BNC2: variants seen among roughly 807,000 people sequenced by gnomAD.
BNC2 encodes the protein basonuclin zinc finger protein 2.
BNC2 carries 20 observed loss-of-function variants against 76.3 expected under a neutral mutation model. The observed-to-expected ratio is 0.26, with a 90% CI of 0.18 to 0.38. The LOEUF is 0.38. BNC2 is among the 10% of genes least tolerant of loss of function. BNC2 has a pLI of 1.00. For missense variants in BNC2, 1,382 were observed against 1,399.8 expected, an observed-to-expected ratio of 0.99 and a Z score of 0.20; for synonymous variants, 582 against 514.8, an observed-to-expected ratio of 1.13 and a Z score of -1.77.
At position 16,567,110 on chromosome 9, in the gene BNC2, AT is replaced by A. The variant is rs575883659; in HGVS notation, c.434-14346del. On this transcript the variant is annotated intron_variant, in intron 4 of 6. Coordinates refer to ENST00000380672, the MANE Select transcript of BNC2 (RefSeq NM_017637.6). Reference sequence around the variant, plus strand: ...AGGCCTGGATATAATTTCAATAAATATTTTGATAAGATCTATAGTTTTCCAA... The same window carrying A: ...AGGCCTGGATATAATTTCAATAAATATTTGATAAGATCTATAGTTTTCCAA... Among the ~76,000 whole-genome samples, 551 of 152,284 alleles carry A rather than the reference AT, an allele frequency of 3.6e-3. 3 individuals are homozygous for A. Among genetic ancestry groups the A allele is most frequent in the African/African-American group, 0.012 (514 of 41,560 alleles).
rs527845981 is a variant in BNC2, at chr9:16,539,864, G to GAAAGGA, written c.669+12660_669+12665dup. Among the ~76,000 whole-genome samples, 74 of 151,466 alleles carry GAAAGGA rather than the reference G, an allele frequency of 4.9e-4. No individual in the cohort carries two copies. The Middle Eastern group carries it at 0.017, about 35-fold the overall frequency. ...GAAGGGAAGGGAAAGGAAAGCAAAGGAAAGGAAAAGGAAAGGAAAATCTGT... is the reference window on the plus strand; with the variant it reads ...GAAGGGAAGGGAAAGGAAAGCAAAGGAAAGGAAAAGGAAAAGGAAAGGAAAATCTGT... On this transcript the variant is annotated intron_variant, in intron 5 of 6. Coordinates refer to ENST00000380672, the MANE Select transcript of BNC2 (RefSeq NM_017637.6).
rs1385227685 is a variant in BNC2, at chr9:16,697,805, T to TAA, written c.330+29991_330+29992insTT. On this transcript the variant is annotated intron_variant, in intron 3 of 6. Transcript: ENST00000380672. ...TTTAAAATTTACTAGGCTTCAGGAG[T>TAA]AGGAGCTGGTATGAGAAGCTCCTTT... Among the ~76,000 whole-genome samples, 80 of 151,812 alleles carry TAA rather than the reference T, an allele frequency of 5.3e-4. 1 individual carries two copies. The East Asian group carries it at 0.013, about 25-fold the overall frequency.
In BNC2 at chr9:16,410,265, C is replaced by T. The variant is rs1820432689; in HGVS notation, c.*8724G>A. 6.6e-6 allele frequency: 1 copy of T among 152,300 alleles called. No homozygotes were observed. The highest frequency in any genetic ancestry group is 1.5e-5 in the Non-Finnish European group (1 of 68,102). 9.4% of individuals were successfully genotyped at this position (152,300 alleles called of 1,614,324 possible). A position where few individuals can be genotyped will look rare whatever the true frequency, so the allele number is the denominator to read the frequency against. On this transcript the variant is annotated 3_prime_UTR_variant, in exon 7 of 7. Coordinates refer to ENST00000380672, the MANE Select transcript of BNC2 (RefSeq NM_017637.6). ...CAAGGACTTCATGGAAGAAGCCAGG[C>T]AAGGTGTGAGGGGAGAGGGGAAATG...
rs113378770 is a variant in BNC2, at chr9:16,472,418, C to T, written c.670-34894G>A. On this transcript the variant is annotated intron_variant, in intron 5 of 6. Transcript: ENST00000380672. ...AATTAGGAAAAACTGAGATCTAAGC[C>T]TTCAAAACATGTTCTGGTAGCTTTA... Among the ~76,000 whole-genome samples the T allele has an allele frequency of 6.6e-3, 1,008 of 152,292 alleles. 44 individuals are homozygous for T. The East Asian group carries it at 0.13, about 20-fold the overall frequency.
chr9:16,746,723 G>C (rs923840600), intron 1 of BNC2, among the ~76,000 whole-genome samples: 1 of 151,430 alleles, frequency 6.6e-6, no homozygotes, highest in African/African-American at 2.4e-5. Context: ...AGCACTTTTG[G>C]AGGCCGAGGC....
At chr9:16,814,384 T>C (rs1421032403) in intron 1 of BNC2, among the ~76,000 whole-genome samples, 2 of 152,226 alleles carry the variant, frequency 1.3e-5, no homozygotes, top group Non-Finnish European at 1.5e-5. Context: ...AACAGACGTT[T>C]TCCTTCAGGT....
intron 3 of BNC2, among the ~76,000 whole-genome samples, chr9:16,656,619 A>G (rs1049490574): frequency 1.3e-5 from 2 of 152,204 alleles, no homozygotes; most frequent in Admixed American, 1.3e-4. Flanking sequence ...AATAATAAAC[A>G]TATTCATCAT....
intron 5 of BNC2, among the ~76,000 whole-genome samples, chr9:16,462,310 T>C (rs578246393): frequency 1.1e-4 from 17 of 152,318 alleles, no homozygotes; most frequent in African/African-American, 3.6e-4. Flanking sequence ...AATAAAGTGA[T>C]ACATCTAAGA....
chr9:16,652,309 A>C (rs1283458529), intron 3 of BNC2, among the ~76,000 whole-genome samples: 1 of 152,204 alleles, frequency 6.6e-6, no homozygotes, highest in East Asian at 1.9e-4. Context: ...CAGAGATCTC[A>C]TACTATAAAA....
intron 3 of BNC2, among the ~76,000 whole-genome samples, chr9:16,666,185 T>G (rs1240290508): frequency 6.6e-6 from 1 of 152,188 alleles, no homozygotes; most frequent in African/African-American, 2.4e-5. Context: ...AAATACATTT[T>G]TTTTTCTATG....
At chr9:16,590,614 C>G (rs1178381365) in intron 3 of BNC2, among the ~76,000 whole-genome samples, 3 of 152,224 alleles carry the variant, frequency 2.0e-5, no homozygotes, top group South Asian at 2.1e-4. Context: ...AAAGACCAGC[C>G]TGGACAACAT....
chr9:16,472,556 C>T (rs1359175826), intron 5 of BNC2, among the ~76,000 whole-genome samples: 1 of 152,206 alleles, frequency 6.6e-6, no homozygotes, highest in East Asian at 1.9e-4. Flanking sequence ...TCCTTCCAGA[C>T]TGGCTCGCCT....
At chr9:16,864,101 A>C (rs1819478702) in intron 1 of BNC2, among the ~76,000 whole-genome samples, 1 of 152,206 alleles carries the variant, frequency 6.6e-6, no homozygotes. Flanking sequence ...TTTGAAAATG[A>C]CCACATTATC....
At chr9:16,694,056 G>A (rs1467967616) in intron 3 of BNC2, among the ~76,000 whole-genome samples, 2 of 152,138 alleles carry the variant, frequency 1.3e-5, no homozygotes, top group African/African-American at 4.8e-5. Flanking sequence ...ATTTTGGGGG[G>A]AGGGTGTGGC....
chr9:16,619,612 T>A (rs1820807625), intron 3 of BNC2, among the ~76,000 whole-genome samples: 1 of 152,190 alleles, frequency 6.6e-6, no homozygotes, highest in Non-Finnish European at 1.5e-5. Context: ...GTTCAAAGAC[T>A]CCCTTTCTCT....
At chr9:16,638,831 T>C (rs757659693) in intron 3 of BNC2, among the ~76,000 whole-genome samples, 1 of 152,204 alleles carries the variant, frequency 6.6e-6, no homozygotes, top group East Asian at 1.9e-4. Context: ...TAAACGCACA[T>C]AAATTGCCTC....
intron 3 of BNC2, among the ~76,000 whole-genome samples, chr9:16,713,020 G>A (rs905632741): frequency 2.6e-5 from 4 of 152,232 alleles, no homozygotes; most frequent in Admixed American, 2.0e-4. Context: ...CTTTCCCTAA[G>A]AAGAGAAGCA....
chr9:16,437,532 C>T lies in BNC2; in HGVS notation c.670-8G>A. On this transcript the variant is annotated splice_polypyrimidine_tract_variant and splice_region_variant and intron_variant, in intron 5 of 6. Transcript: ENST00000380672. ...CACCTTGCCAGCAGCATCCTAGAGG[C>T]CACATCAAAGAAACAACAAAGACAA... The T allele has an allele frequency of 6.2e-7, 1 of 1,610,598 alleles. No individual in the cohort carries two copies. The highest frequency in any genetic ancestry group is 1.1e-5 in the South Asian group (1 of 91,066).
intron 5 of BNC2, among the ~76,000 whole-genome samples, chr9:16,506,650 C>T (rs935150961): frequency 9.2e-5 from 14 of 151,360 alleles, no homozygotes; most frequent in African/African-American, 3.4e-4. Context: ...CTCAGCCTCC[C>T]GAGTAGCTGG....
Sources: gnomAD v4.1 joint callset for allele counts (sites outside exome capture counted in the v4.1 genomes callset) on GRCh38, gnomAD v4.1.1 for gene constraint, MANE v1.5 for transcripts, NCBI Gene and HGNC (gene_info 2026-07-23, HGNC 2026-07-21) for gene names.